CNBD1: variants seen among roughly 807,000 people sequenced by gnomAD.
The protein encoded by CNBD1 is cyclic nucleotide binding domain containing 1, also known as cyclic nucleotide-binding domain-containing protein 1.
A neutral mutation model predicts 54.4 loss-of-function variants in CNBD1; 71 were observed. That is an observed-to-expected ratio of 1.30 (90% CI 1.08 to 1.59). CNBD1 has a LOEUF of 1.59. Among genes scored for constraint, CNBD1 ranks in the 40% most tolerant of loss-of-function variants. CNBD1 has a pLI of 0.00. For synonymous variants in CNBD1, 182 were observed against 170.7 expected (o/e 1.07, Z -0.51); for missense variants, 659 against 518.0 (o/e 1.27, Z -2.64).
intron 5 of CNBD1, among the ~76,000 whole-genome samples, chr8:87,214,031 C>A (rs1244371059): frequency 3.3e-5 from 5 of 152,184 alleles, no homozygotes; most frequent in African/African-American, 4.8e-5. Flanking sequence ...TCCTTTAACT[C>A]TATGTCTCAC....
At chr8:87,389,203 C>T (rs1446281923) in intron 2 of CNBD1, among the ~76,000 whole-genome samples, 2 of 152,132 alleles carry the variant, frequency 1.3e-5, no homozygotes, top group African/African-American at 2.4e-5. Flanking sequence ...GACAGGGATG[C>T]CCTCTCTCAC....
At chr8:87,399,504 G>T (rs996691262) in intron 2 of CNBD1, among the ~76,000 whole-genome samples, 1 of 151,982 alleles carries the variant, frequency 6.6e-6, no homozygotes, top group Admixed American at 6.6e-5. Context: ...GAGACTACTA[G>T]ATTTCAAATC....
intron 8 of CNBD1, among the ~76,000 whole-genome samples, chr8:87,343,399 C>T (rs115715044): frequency 0.035 from 5,328 of 152,194 alleles, 302 homozygotes; most frequent in African/African-American, 0.12. Flanking sequence ...TAAAGACAGG[C>T]GTAAGAAATT....
intron 8 of CNBD1, among the ~76,000 whole-genome samples, chr8:87,341,194 C>G (rs1343374650): frequency 6.6e-6 from 1 of 151,740 alleles, no homozygotes; most frequent in Non-Finnish European, 1.5e-5. Context: ...TCTTGCTCTC[C>G]CTAGTGTCTG....
At chr8:87,314,514 G>A (rs1809339615) in intron 8 of CNBD1, among the ~76,000 whole-genome samples, 1 of 151,800 alleles carries the variant, frequency 6.6e-6, no homozygotes, top group Non-Finnish European at 1.5e-5. Flanking sequence ...CATTCTTACA[G>A]TAAACACCAG....
At chr8:87,060,190 T>C (rs1010139526) in intron 4 of CNBD1, among the ~76,000 whole-genome samples, 2 of 152,192 alleles carry the variant, frequency 1.3e-5, no homozygotes, top group African/African-American at 4.8e-5. Context: ...ACCTTGATGT[T>C]AGCCTTGTGA....
intron 4 of CNBD1, among the ~76,000 whole-genome samples, chr8:86,960,120 C>T (rs1248263239): frequency 6.6e-6 from 1 of 152,262 alleles, no homozygotes; most frequent in Non-Finnish European, 1.5e-5. Flanking sequence ...GTACCAGGTT[C>T]ATCTCACTGG....
At chr8:87,088,833 G>A (rs1192533451) in intron 4 of CNBD1, among the ~76,000 whole-genome samples, 1 of 151,994 alleles carries the variant, frequency 6.6e-6, no homozygotes, top group Non-Finnish European at 1.5e-5. Flanking sequence ...TTGGAATTTT[G>A]GTGTGTAAAA....
chr8:87,037,183 C>A (rs1488436889), intron 4 of CNBD1, among the ~76,000 whole-genome samples: 2 of 151,990 alleles, frequency 1.3e-5, no homozygotes, highest in Non-Finnish European at 2.9e-5. Flanking sequence ...TTCCAGGTTG[C>A]TTTTCTGGAG....
chr8:87,132,793 A>ATG (rs1382535188), intron 4 of CNBD1, among the ~76,000 whole-genome samples: 4 of 143,386 alleles, frequency 2.8e-5, no homozygotes, highest in Non-Finnish European at 4.5e-5. Context: ...GCATATATAT[A>ATG]TGTGTATATA....
intron 4 of CNBD1, among the ~76,000 whole-genome samples, chr8:87,121,328 G>T (rs963664675): frequency 6.6e-6 from 1 of 151,434 alleles, no homozygotes; most frequent in Non-Finnish European, 1.5e-5. Context: ...CTACAAAATT[G>T]TATTAGGAAA....
chr8:86,887,625 G>A lies in CNBD1; in HGVS notation c.158+14G>A. The stretch of plus-strand genomic sequence containing the variant: ...AGGACAACACAGGTAAGCTATTCAT[G>A]CATTTCTTTTTCTGTCATTCAAATG... On this transcript the variant is annotated intron_variant, in intron 2 of 10. Coordinates refer to ENST00000518476, the MANE Select transcript of CNBD1 (RefSeq NM_173538.3). 6.5e-7 allele frequency: 1 copy of A among 1,548,548 alleles called. No individual in the cohort carries two copies. Among genetic ancestry groups the A allele is most frequent in the Non-Finnish European group, 8.8e-7 (1 of 1,138,334 alleles).
At chr8:86,953,212 ATC>A (rs1336346995) in intron 4 of CNBD1, among the ~76,000 whole-genome samples, 1 of 152,226 alleles carries the variant, frequency 6.6e-6, no homozygotes, top group Non-Finnish European at 1.5e-5. Flanking sequence ...ATGTGCCTTC[ATC>A]TCTCTTGAGT....
At chr8:87,273,267 T>C (rs1808405472) in intron 6 of CNBD1, among the ~76,000 whole-genome samples, 1 of 151,984 alleles carries the variant, frequency 6.6e-6, no homozygotes, top group Admixed American at 6.6e-5. Context: ...AAATATTCAA[T>C]AATTCCTACT....
chr8:87,049,689 C>T (rs912919203), intron 4 of CNBD1, among the ~76,000 whole-genome samples: 6 of 152,136 alleles, frequency 3.9e-5, no homozygotes, highest in Non-Finnish European at 7.4e-5. Flanking sequence ...GAGGAAAGTG[C>T]AGGGTTTAGG....
intron 8 of CNBD1, among the ~76,000 whole-genome samples, chr8:87,297,946 T>C (rs556957424): frequency 6.6e-6 from 1 of 151,728 alleles, no homozygotes; most frequent in South Asian, 2.1e-4. Flanking sequence ...CTATATATTC[T>C]CCCTACATAT....
chr8:86,960,186 A>G (rs112044491), intron 4 of CNBD1, among the ~76,000 whole-genome samples: 23 of 152,284 alleles, frequency 1.5e-4, no homozygotes, highest in African/African-American at 5.1e-4. Context: ...AGGGTGGGGC[A>G]TCGCCTCACC....
chr8:87,412,450 G>T (rs549833893), intron 2 of CNBD1, among the ~76,000 whole-genome samples: 2 of 152,154 alleles, frequency 1.3e-5, no homozygotes, highest in South Asian at 4.2e-4. Flanking sequence ...ATGTGCAAGT[G>T]ATTTTATTAA....
chr8:87,050,252 A>C (rs1431721334), intron 4 of CNBD1, among the ~76,000 whole-genome samples: 1 of 152,322 alleles, frequency 6.6e-6, no homozygotes, highest in East Asian at 1.9e-4. Context: ...GAAAGGAGGT[A>C]ATGGGCTTAA....
Sources: gnomAD v4.1 joint callset for allele counts (sites outside exome capture counted in the v4.1 genomes callset) on GRCh38, gnomAD v4.1.1 for gene constraint, MANE v1.5 for transcripts, NCBI Gene and HGNC (gene_info 2026-07-23, HGNC 2026-07-21) for gene names.